HS3ST4: variants seen among roughly 807,000 people sequenced by gnomAD.
HS3ST4 encodes the protein heparan sulfate glucosamine 3-O-sulfotransferase 4.
HS3ST4 carries 17 observed loss-of-function variants against 29.2 expected under a neutral mutation model. The ratio of observed to expected loss-of-function variants is 0.58; its 90% CI spans 0.40 to 0.87. The LOEUF (loss-of-function observed/expected upper bound fraction) is 0.87, where lower values mean the gene tolerates loss of function less well. HS3ST4 is among the 40% of genes least tolerant of loss of function. The pLI is 0.00. For missense variants in HS3ST4, 627 were observed against 634.5 expected, an observed-to-expected ratio of 0.99 and a Z score of 0.13; for synonymous variants, 314 against 285.7, an observed-to-expected ratio of 1.10 and a Z score of -1.00.
At chr16:26,120,229 A>G (rs1899257260) in intron 1 of HS3ST4, among the ~76,000 whole-genome samples, 2 of 152,040 alleles carry the variant, frequency 1.3e-5, no homozygotes, top group African/African-American at 4.8e-5. Context: ...TCTATCCATC[A>G]TTTCTCCCTC....
At chr16:25,830,072 C>T (rs187294219) in intron 1 of HS3ST4, among the ~76,000 whole-genome samples, 3 of 152,228 alleles carry the variant, frequency 2.0e-5, no homozygotes, top group Admixed American at 6.5e-5. Flanking sequence ...CAATCCACCC[C>T]CTTCAGCCTC....
intron 1 of HS3ST4, 37 bp from the exon 2 acceptor site, chr16:26,135,575 G>C (rs1382130737): frequency 6.5e-7 from 1 of 1,542,310 alleles, no homozygotes; most frequent in Non-Finnish European, 8.7e-7. Flanking sequence ...TTCTGGACAG[G>C]AATAACCATT....
chr16:25,946,448 G>A (rs1968627037), intron 1 of HS3ST4, among the ~76,000 whole-genome samples: 1 of 152,208 alleles, frequency 6.6e-6, no homozygotes, highest in African/African-American at 2.4e-5. Flanking sequence ...GTTCTTGTGT[G>A]CTTTGGGCAA....
intron 1 of HS3ST4, among the ~76,000 whole-genome samples, chr16:25,959,794 T>C (rs894915995): frequency 1.7e-4 from 26 of 152,060 alleles, no homozygotes; most frequent in African/African-American, 5.3e-4. Context: ...CCTCATTACC[T>C]TGGTAATGAG....
intron 1 of HS3ST4, among the ~76,000 whole-genome samples, chr16:25,981,784 G>C (rs548484167): frequency 2.0e-5 from 3 of 152,202 alleles, no homozygotes; most frequent in African/African-American, 7.2e-5. Flanking sequence ...ACTCAATAAA[G>C]ACTTGTTAAA....
intron 1 of HS3ST4, among the ~76,000 whole-genome samples, chr16:26,008,817 T>G (rs142425310): frequency 8.6e-4 from 131 of 152,234 alleles, no homozygotes; most frequent in African/African-American, 3.1e-3. Flanking sequence ...AGACCATGTC[T>G]CTAGAAAAAA....
chr16:25,712,445 C>T (rs376510987), intron 1 of HS3ST4, among the ~76,000 whole-genome samples: 1 of 152,116 alleles, frequency 6.6e-6, no homozygotes, highest in Admixed American at 6.5e-5. Context: ...CCCTTGAGCC[C>T]GGGAATTGGT....
At chr16:25,866,729 G>T (rs778103988) in intron 1 of HS3ST4, among the ~76,000 whole-genome samples, 1 of 152,006 alleles carries the variant, frequency 6.6e-6, no homozygotes, top group Admixed American at 6.6e-5. Context: ...CCTAGATGAC[G>T]GGTTGATAGG....
At chr16:26,023,194 T>C (rs561166531) in intron 1 of HS3ST4, among the ~76,000 whole-genome samples, 1 of 152,276 alleles carries the variant, frequency 6.6e-6, no homozygotes, top group South Asian at 2.1e-4. Context: ...TGGCTGCAGA[T>C]TATGTCATCT....
At chr16:25,962,179 G>T (rs9921253) in intron 1 of HS3ST4, among the ~76,000 whole-genome samples, 3 of 152,106 alleles carry the variant, frequency 2.0e-5, no homozygotes, top group Non-Finnish European at 4.4e-5. Context: ...AACAAGGTAC[G>T]AAGTCATGGA....
chr16:25,960,134 C>T (rs2141701370), intron 1 of HS3ST4, among the ~76,000 whole-genome samples: 1 of 152,018 alleles, frequency 6.6e-6, no homozygotes, highest in South Asian at 2.1e-4. Context: ...GAAACTCCGT[C>T]TCAAAAAAAA....
chr16:25,967,660 A>G (rs1373696070), intron 1 of HS3ST4, among the ~76,000 whole-genome samples: 1 of 152,140 alleles, frequency 6.6e-6, no homozygotes. Flanking sequence ...TAAGGTTATC[A>G]CTAGTTTGCC....
At chr16:25,961,425 C>A (rs1268678562) in intron 1 of HS3ST4, among the ~76,000 whole-genome samples, 1 of 152,192 alleles carries the variant, frequency 6.6e-6, no homozygotes. Flanking sequence ...CTTCTGTCTC[C>A]ACTCATGTAG....
At chr16:25,721,147 A>C (rs998866682) in intron 1 of HS3ST4, among the ~76,000 whole-genome samples, 2 of 152,302 alleles carry the variant, frequency 1.3e-5, no homozygotes, top group Admixed American at 6.5e-5. Flanking sequence ...TAGTGAGGGA[A>C]GAGTGTTTGG....
At chr16:25,716,058 T>A (rs1966451948) in intron 1 of HS3ST4, among the ~76,000 whole-genome samples, 1 of 152,182 alleles carries the variant, frequency 6.6e-6, no homozygotes, top group African/African-American at 2.4e-5. Context: ...TTAAGAAGGG[T>A]CACATCTGGT....
At chr16:25,924,323 A>G (rs1165341771) in intron 1 of HS3ST4, among the ~76,000 whole-genome samples, 2 of 152,166 alleles carry the variant, frequency 1.3e-5, no homozygotes, top group African/African-American at 4.8e-5. Context: ...CTAAAAAATA[A>G]TAGCCCCTCT....
chr16:25,692,291 C>G lies in HS3ST4; in HGVS notation c.-127C>G, dbSNP rs1187727441. 1 of 152,064 alleles carries G rather than the reference C, an allele frequency of 6.6e-6. No homozygotes were observed. The highest frequency in any genetic ancestry group is 1.3e-5 in the Non-Finnish European group (1 of 75,330). 9.4% of individuals were successfully genotyped at this position (152,064 alleles called of 1,614,324 possible). A position where few individuals can be genotyped will look rare whatever the true frequency, so the allele number is the denominator to read the frequency against. ...GCGCAGCGGCGTCGCTTCATGCAGCCGGGGCGGCTGGGCAGCGGCGGCGGC... is the reference window on the plus strand; with the variant it reads ...GCGCAGCGGCGTCGCTTCATGCAGCGGGGGCGGCTGGGCAGCGGCGGCGGC... On this transcript the variant is annotated 5_prime_UTR_variant, in exon 1 of 2. Transcript: ENST00000331351.
At chr16:25,999,791 T>A (rs1408746962) in intron 1 of HS3ST4, among the ~76,000 whole-genome samples, 3 of 136,648 alleles carry the variant, frequency 2.2e-5, no homozygotes, top group East Asian at 4.1e-4. Context: ...TTATATATAT[T>A]TTATATATAT....
intron 1 of HS3ST4, among the ~76,000 whole-genome samples, chr16:25,958,247 C>T (rs994954428): frequency 5.9e-5 from 9 of 152,208 alleles, no homozygotes; most frequent in African/African-American, 2.2e-4. Flanking sequence ...CGTAAGAAAT[C>T]ACCCTGAAAC....
Sources: allele counts gnomAD v4.1 joint callset (sites outside exome capture counted in the v4.1 genomes callset), GRCh38; gene constraint gnomAD v4.1.1; transcripts MANE v1.5; gene names NCBI Gene and HGNC (gene_info 2026-07-23, HGNC 2026-07-21).